IQGAP2: variants seen among roughly 807,000 people sequenced by gnomAD.
IQGAP2 encodes the protein IQ motif containing GTPase activating protein 2, also known as ras GTPase-activating-like protein IQGAP2.
Under a neutral mutation model 201.3 loss-of-function variants are expected in IQGAP2, and 173 were observed. That is an observed-to-expected ratio of 0.86 (90% CI 0.76 to 0.98). The LOEUF (loss-of-function observed/expected upper bound fraction) is 0.98. Among genes scored for constraint, IQGAP2 ranks in the 50% least tolerant of loss-of-function variants. The pLI is 0.00. For synonymous variants in IQGAP2, 675 were observed against 673.9 expected, an observed-to-expected ratio of 1.00 and a Z score of -0.03; for missense variants, 1,687 against 1,864.8, an observed-to-expected ratio of 0.90 and a Z score of 1.76.
chr5:76,609,439 T>TTA (rs1240921572), intron 12 of IQGAP2, among the ~76,000 whole-genome samples: 1 of 152,220 alleles, frequency 6.6e-6, no homozygotes, highest in Non-Finnish European at 1.5e-5. Context: ...TATTTAAGTA[T>TTA]TATAGTCTGG....
chr5:76,626,525 C>T (rs969549170), intron 13 of IQGAP2, among the ~76,000 whole-genome samples: 4 of 152,100 alleles, frequency 2.6e-5, no homozygotes, highest in African/African-American at 9.7e-5. Context: ...CCACCCTCAG[C>T]CTCTCAAAGT....
chr5:76,431,500 G>A (rs1752363824), intron 1 of IQGAP2, among the ~76,000 whole-genome samples: 1 of 152,048 alleles, frequency 6.6e-6, no homozygotes, highest in Non-Finnish European at 1.5e-5. Flanking sequence ...GCTTTGTTTG[G>A]CATGCTTTGT....
At chr5:76,494,658 G>C (rs537028263) in intron 2 of IQGAP2, among the ~76,000 whole-genome samples, 1 of 151,888 alleles carries the variant, frequency 6.6e-6, no homozygotes, top group Non-Finnish European at 1.5e-5. Flanking sequence ...TTAGTTTTTT[G>C]TTGTTGTTGT....
intron 5 of IQGAP2, among the ~76,000 whole-genome samples, chr5:76,586,943 A>G (rs536170465): frequency 2.6e-4 from 40 of 152,374 alleles, no homozygotes; most frequent in African/African-American, 9.6e-4. Context: ...CAATATCTAT[A>G]GTAACAGCTG....
At chr5:76,596,180 C>G (rs1218752370) in intron 9 of IQGAP2, among the ~76,000 whole-genome samples, 2 of 152,122 alleles carry the variant, frequency 1.3e-5, no homozygotes, top group East Asian at 3.9e-4. Flanking sequence ...GATAAATTGT[C>G]ATCTTGTCAA....
chr5:76,404,180 T>C (rs1750668928), intron 1 of IQGAP2, among the ~76,000 whole-genome samples: 1 of 151,852 alleles, frequency 6.6e-6, no homozygotes, highest in East Asian at 2.0e-4. Context: ...CCCAACCCCT[T>C]TCCCCCCCGC....
intron 11 of IQGAP2, among the ~76,000 whole-genome samples, chr5:76,604,756 A>C (rs1221266382): frequency 6.6e-6 from 1 of 152,190 alleles, no homozygotes; most frequent in African/African-American, 2.4e-5. Context: ...AGTATTATTT[A>C]TTATACATTA....
intron 2 of IQGAP2, among the ~76,000 whole-genome samples, chr5:76,502,535 G>T (rs1757337085): frequency 6.6e-6 from 1 of 152,198 alleles, no homozygotes; most frequent in Non-Finnish European, 1.5e-5. Flanking sequence ...CAGTCACTTT[G>T]TGTATGTTTG....
intron 2 of IQGAP2, among the ~76,000 whole-genome samples, chr5:76,476,709 G>T (rs1255530274): frequency 6.6e-6 from 1 of 152,056 alleles, no homozygotes; most frequent in East Asian, 1.9e-4. Flanking sequence ...GCAGAAACAG[G>T]CATAGATTTA....
At chr5:76,619,457 G>A (rs1749372283) in intron 13 of IQGAP2, among the ~76,000 whole-genome samples, 1 of 150,296 alleles carries the variant, frequency 6.7e-6, no homozygotes, top group South Asian at 2.1e-4. Context: ...GAACCTACAA[G>A]TATATTCCTT....
At chr5:76,406,964 G>A (rs1422809748) in intron 1 of IQGAP2, among the ~76,000 whole-genome samples, 2 of 152,108 alleles carry the variant, frequency 1.3e-5, no homozygotes, top group Non-Finnish European at 2.9e-5. Context: ...AGTTGAGAAA[G>A]ATTCTGGTTG....
At chr5:76,462,660 A>C (rs1042157880) in intron 2 of IQGAP2, among the ~76,000 whole-genome samples, 1 of 152,198 alleles carries the variant, frequency 6.6e-6, no homozygotes, top group Non-Finnish European at 1.5e-5. Flanking sequence ...TTAAATGGTC[A>C]CTGGTGTTAA....
rs1199132823 is a variant in IQGAP2, at chr5:76,703,007, G to T, written c.4614+417G>T. 1.2e-4 allele frequency among the ~76,000 whole-genome samples: 18 copies of T among 146,756 alleles called. 2 individuals are homozygous for T. The highest frequency in any genetic ancestry group is 3.6e-4 in the African/African-American group (14 of 39,354). ...TCCTAGAATGGTTTTTCTTTTTTGT[G>T]GGGGGAGGGGGTGGGGGTGGGGCAT... On this transcript the variant is annotated intron_variant, in intron 35 of 35. Transcript: ENST00000274364.
At chr5:76,665,910 G>A (rs1743714522) in intron 22 of IQGAP2, among the ~76,000 whole-genome samples, 1 of 152,152 alleles carries the variant, frequency 6.6e-6, no homozygotes, top group South Asian at 2.1e-4. Flanking sequence ...TCTTCAGCAG[G>A]AAAAGTTTCC....
intron 2 of IQGAP2, among the ~76,000 whole-genome samples, chr5:76,542,667 G>A (rs1742853231): frequency 6.6e-6 from 1 of 152,194 alleles, no homozygotes; most frequent in African/African-American, 2.4e-5. Flanking sequence ...TGAGCCCCTT[G>A]AGGGACAGGT....
chr5:76,583,979 TCTC>T (rs1219894547), intron 5 of IQGAP2, among the ~76,000 whole-genome samples: 2 of 152,028 alleles, frequency 1.3e-5, no homozygotes, highest in African/African-American at 4.8e-5. Context: ...TTCAAGCAAT[TCTC>T]CTGCCTCAGC....
chr5:76,408,018 C>A (rs1234332924), intron 1 of IQGAP2, among the ~76,000 whole-genome samples: 1 of 152,128 alleles, frequency 6.6e-6, no homozygotes, highest in East Asian at 1.9e-4. Flanking sequence ...GTAATCCCAG[C>A]TACTTGGGAG....
intron 2 of IQGAP2, among the ~76,000 whole-genome samples, chr5:76,530,974 C>T (rs1378904180): frequency 6.6e-6 from 1 of 152,190 alleles, no homozygotes; most frequent in Non-Finnish European, 1.5e-5. Context: ...AGAACTTTTG[C>T]AGATTCTTGC....
intron 2 of IQGAP2, among the ~76,000 whole-genome samples, chr5:76,480,678 C>T (rs1474220581): frequency 2.6e-5 from 4 of 152,098 alleles, no homozygotes; most frequent in Non-Finnish European, 5.9e-5. Flanking sequence ...CAATTCTTAC[C>T]ATGTCTGCTA....
Sources: gnomAD v4.1 joint callset for allele counts (sites outside exome capture counted in the v4.1 genomes callset) on GRCh38, gnomAD v4.1.1 for gene constraint, MANE v1.5 for transcripts, NCBI Gene and HGNC (gene_info 2026-07-23, HGNC 2026-07-21) for gene names.